UNC13C: variants seen among roughly 807,000 people sequenced by gnomAD.
UNC13C encodes the protein unc-13 homolog C, also known as protein unc-13 homolog C.
UNC13C carries 174 observed loss-of-function variants against 245.4 expected under a neutral mutation model. That is an observed-to-expected ratio of 0.71 (90% CI 0.63 to 0.80). The LOEUF (loss-of-function observed/expected upper bound fraction) is 0.80, where lower values mean the gene tolerates loss of function less well. UNC13C is among the 30% of genes least tolerant of loss of function. The probability of loss-of-function intolerance (pLI) is 0.00; values close to 1 mark genes in which losing one functional copy is unlikely to be tolerated. For missense variants in UNC13C, 2,829 were observed against 2,602.9 expected, an observed-to-expected ratio of 1.09 and a Z score of -1.89; for synonymous variants, 992 against 895.1, an observed-to-expected ratio of 1.11 and a Z score of -1.93.
intron 19 of UNC13C, among the ~76,000 whole-genome samples, chr15:54,433,684 G>A (rs2040919291): frequency 6.6e-6 from 1 of 151,768 alleles, no homozygotes; most frequent in Non-Finnish European, 1.5e-5. Flanking sequence ...AAGGCAAGAA[G>A]GCCCTCTCTC....
chr15:54,294,755 A>T (rs906680601), intron 11 of UNC13C, among the ~76,000 whole-genome samples: 2 of 152,202 alleles, frequency 1.3e-5, no homozygotes, highest in African/African-American at 4.8e-5. Flanking sequence ...ATCATATCCT[A>T]TAAAGTGTTT....
intron 10 of UNC13C, among the ~76,000 whole-genome samples, chr15:54,276,684 C>T (rs2036841986): frequency 6.6e-6 from 1 of 152,052 alleles, no homozygotes; most frequent in Non-Finnish European, 1.5e-5. Flanking sequence ...ATACGTTACT[C>T]ATTGAGTTCT....
At chr15:54,104,849 C>A (rs1424779182) in intron 2 of UNC13C, among the ~76,000 whole-genome samples, 2 of 152,158 alleles carry the variant, frequency 1.3e-5, no homozygotes, top group African/African-American at 4.8e-5. Flanking sequence ...CAATAAGACA[C>A]TGAGAAGGTG....
intron 8 of UNC13C, among the ~76,000 whole-genome samples, chr15:54,254,557 G>A (rs955954156): frequency 5.3e-5 from 8 of 152,202 alleles, no homozygotes; most frequent in Non-Finnish European, 1.2e-4. Flanking sequence ...ATAACCTGTT[G>A]TGGTTTAAAT....
the UNC13C span, among the ~76,000 whole-genome samples, chr15:53,849,667 CAAGT>C: frequency 2.6e-5 from 4 of 151,862 alleles, no homozygotes; most frequent in East Asian, 1.9e-4. Context: ...TTAATGAAGA[CAAGT>C]AAGCCATTAG....
Position 54,394,445 on chromosome 15 carries a change from C to G in UNC13C, c.4847+1264C>G, listed in dbSNP as rs1289932712. 2.0e-5 allele frequency among the ~76,000 whole-genome samples: 3 copies of G among 151,788 alleles called. No individual in the cohort carries two copies. In the East Asian group the frequency reaches 5.8e-4, roughly 29 times the overall value. ...TTCTGTTAGGACTAGAAGATCTTCT[C>G]TTAATCTATAACATGTCGTCATCGC... On this transcript the variant is annotated intron_variant, in intron 18 of 32. Coordinates refer to ENST00000260323, the MANE Select transcript of UNC13C (RefSeq NM_001080534.3).
intron 30 of UNC13C, among the ~76,000 whole-genome samples, chr15:54,594,890 G>T (rs1346079087): frequency 6.6e-6 from 1 of 152,216 alleles, no homozygotes; most frequent in Non-Finnish European, 1.5e-5. Flanking sequence ...CCAAAAGGCG[G>T]GTCCAGGGGA....
the UNC13C span, among the ~76,000 whole-genome samples, chr15:53,910,028 T>C: frequency 2.2e-4 from 32 of 143,516 alleles, no homozygotes; most frequent in African/African-American, 7.6e-4. Context: ...TTGGAGCCAA[T>C]GTATTTGTTC....
At chr15:53,839,235 A>C in the UNC13C span, among the ~76,000 whole-genome samples, 1 of 152,048 alleles carries the variant, frequency 6.6e-6, no homozygotes, top group South Asian at 2.1e-4. Flanking sequence ...ATTAGGACTC[A>C]TATCTGTAGG....
At chr15:54,572,924 C>A (rs1897820135) in intron 30 of UNC13C, among the ~76,000 whole-genome samples, 1 of 152,078 alleles carries the variant, frequency 6.6e-6, no homozygotes, top group South Asian at 2.1e-4. Flanking sequence ...ACTCCATTTT[C>A]TTCTTTTCCT....
chr15:53,855,719 C>T, the UNC13C span, among the ~76,000 whole-genome samples: 3 of 152,098 alleles, frequency 2.0e-5, no homozygotes, highest in Non-Finnish European at 2.9e-5. Flanking sequence ...AATTCACCAT[C>T]GATGTTGGTG....
chr15:54,323,024 T>C (rs578244182), intron 14 of UNC13C, among the ~76,000 whole-genome samples: 5 of 150,164 alleles, frequency 3.3e-5, no homozygotes, highest in Non-Finnish European at 7.4e-5. Context: ...TTTTTTTTCA[T>C]GGAGGAAACT....
chr15:53,912,237 C>G, the UNC13C span: 1 of 152,200 alleles, frequency 6.6e-6, no homozygotes, highest in African/African-American at 2.4e-5. Flanking sequence ...TTCAACCCAG[C>G]CCCACCTGGA....
At chr15:54,223,707 T>A (rs952302782) in intron 4 of UNC13C, among the ~76,000 whole-genome samples, 1 of 152,106 alleles carries the variant, frequency 6.6e-6, no homozygotes, top group Non-Finnish European at 1.5e-5. Flanking sequence ...GTATTAAATC[T>A]GTAGATTGCT....
chr15:53,915,419 G>GCCTCCC, the UNC13C span, among the ~76,000 whole-genome samples: 1 of 152,184 alleles, frequency 6.6e-6, no homozygotes, highest in South Asian at 2.1e-4. Context: ...TATTACAGAG[G>GCCTCCC]CCTAAAGAGA....
chr15:53,927,084 G>A, the UNC13C span, among the ~76,000 whole-genome samples: 3,129 of 152,260 alleles, frequency 0.021, 116 homozygotes, highest in African/African-American at 0.072. Context: ...CTTTATAAAT[G>A]TTAACTCATT....
intron 17 of UNC13C, among the ~76,000 whole-genome samples, chr15:54,359,672 G>T (rs1279502588): frequency 6.6e-6 from 1 of 151,724 alleles, no homozygotes; most frequent in Non-Finnish European, 1.5e-5. Context: ...TGAATCATTT[G>T]TATTTCTGTG....
At chr15:54,042,910 A>T (rs1164800342) in intron 2 of UNC13C, among the ~76,000 whole-genome samples, 2 of 152,120 alleles carry the variant, frequency 1.3e-5, no homozygotes, top group African/African-American at 4.8e-5. Context: ...TGCGCATAAC[A>T]TTGAGCATCA....
At chr15:54,012,365 A>G (rs569053743) in intron 1 of UNC13C, among the ~76,000 whole-genome samples, 2 of 152,296 alleles carry the variant, frequency 1.3e-5, no homozygotes, top group East Asian at 1.9e-4. Flanking sequence ...TGACTGTCGT[A>G]TTACTCAATG....
Sources: allele counts gnomAD v4.1 joint callset (sites outside exome capture counted in the v4.1 genomes callset), GRCh38; gene constraint gnomAD v4.1.1; transcripts MANE v1.5; gene names NCBI Gene and HGNC (gene_info 2026-07-23, HGNC 2026-07-21).